The following SVIL variants were observed in gnomAD, a reference collection of about 807,000 sequenced individuals.
SVIL encodes the protein archvillin.
Under a neutral mutation model 240.4 loss-of-function variants are expected in SVIL, and 101 were observed. The observed-to-expected ratio is 0.42, with a 90% CI of 0.36 to 0.50. The LOEUF (loss-of-function observed/expected upper bound fraction) is 0.50. Among genes scored for constraint, SVIL ranks in the 20% least tolerant of loss-of-function variants. The pLI is 0.01. For synonymous variants in SVIL, 999 were observed against 1,100.0 expected (o/e 0.91, Z 1.82); for missense variants, 2,512 against 2,818.7 (o/e 0.89, Z 2.46).
At chr10:29,596,169 C>T (rs1737129854) in intron 1 of SVIL, among the ~76,000 whole-genome samples, 1 of 152,120 alleles carries the variant, frequency 6.6e-6, no homozygotes, top group Admixed American at 6.6e-5. Flanking sequence ...CATAATTTGT[C>T]CTTTAAAAAT....
rs374546164 is a variant in SVIL, at chr10:29,458,611, A to C, written c.6403-22T>G. On this transcript the variant is annotated intron_variant, in intron 36 of 37. Transcript: ENST00000355867. ...TGTCCTAGAGAAGAGGAGGGGGCAGAGAGGAGAGCTCGTGTCCTACATTTG... is the reference window on the plus strand; with the variant it reads ...TGTCCTAGAGAAGAGGAGGGGGCAGCGAGGAGAGCTCGTGTCCTACATTTG... 3.7e-6 allele frequency: 6 copies of C among 1,608,656 alleles called. No individual in the cohort carries two copies. The African/African-American group carries it at 8.0e-5, about 22-fold the overall frequency.
intron 1 of SVIL, among the ~76,000 whole-genome samples, chr10:29,593,688 C>G (rs1180075518): frequency 6.6e-6 from 1 of 152,030 alleles, no homozygotes; most frequent in Non-Finnish European, 1.5e-5. Flanking sequence ...ATATTTTGGA[C>G]AATGTGCCAA....
In SVIL at chr10:29,531,361, C is replaced by T. The variant is rs374344624; in HGVS notation, c.2010-73G>A. The stretch of plus-strand genomic sequence containing the variant: ...CAGAAGATCGAAATAAAACATCATA[C>T]TGAAAGTAAAAATAAAAATGCAATT... On this transcript the variant is annotated intron_variant, in intron 9 of 37. Transcript: ENST00000355867. 4.5e-4 allele frequency: 622 copies of T among 1,367,964 alleles called. 2 individuals are homozygous for T. The African/African-American group carries it at 8.3e-3, about 18-fold the overall frequency. The allele number at this position is 1,367,964 out of a possible 1,614,324, so 84.7% of individuals were successfully genotyped here.
intron 1 of SVIL, among the ~76,000 whole-genome samples, chr10:29,600,540 G>A (rs1040395774): frequency 6.6e-6 from 1 of 152,166 alleles, no homozygotes; most frequent in Non-Finnish European, 1.5e-5. Context: ...GTTGGCTAAG[G>A]TGCTGTCAGT....
intron 1 of SVIL, among the ~76,000 whole-genome samples, chr10:29,592,027 G>T (rs1419184265): frequency 6.6e-6 from 1 of 152,170 alleles, no homozygotes; most frequent in East Asian, 1.9e-4. Flanking sequence ...GAGGCAGATG[G>T]ATCACTTGAG....
At chr10:29,532,260 T>G (rs1951424440) in intron 8 of SVIL, 88 bp from the exon 9 acceptor site, 1 of 1,471,016 alleles carries the variant, frequency 6.8e-7, no homozygotes, top group Non-Finnish European at 9.1e-7. Context: ...TCTCCGTGAG[T>G]CAAGGGACAG....
chr10:29,458,426 C>T lies in SVIL; in HGVS notation c.6558+8G>A, dbSNP rs775103205. 31 of 1,589,336 alleles carry T rather than the reference C, an allele frequency of 2.0e-5. No individual in the cohort carries two copies. Among genetic ancestry groups the T allele is most frequent in the African/African-American group, 2.7e-5 (2 of 74,228 alleles). ...TCCCATCCCCACCCCACCGGAAGAA[C>T]CGCTTACCTCGAAGTCTTCGTCGGT... On this transcript the variant is annotated splice_region_variant and intron_variant, in intron 37 of 37. Transcript: ENST00000355867.
At chr10:29,491,203 C>T (rs1947920655) in intron 21 of SVIL, among the ~76,000 whole-genome samples, 184 bp from the exon 22 acceptor site, 1 of 152,214 alleles carries the variant, frequency 6.6e-6, no homozygotes, top group Non-Finnish European at 1.5e-5. Flanking sequence ...TGCAAGCCCA[C>T]TGAGTTCAAA....
rs758713170 is a variant in SVIL at position 29,526,992 on chromosome 10, T to C, written c.2311A>G (p.Thr771Ala). 8.7e-6 allele frequency: 14 copies of C among 1,610,876 alleles called. No individual in the cohort carries two copies. The African/African-American group carries it at 1.9e-4, about 22-fold the overall frequency. Residue 771 changes from threonine to alanine, a missense_variant, in exon 13 of 38, where the codon ACT becomes GCT. Coordinates refer to ENST00000355867, the MANE Select transcript of SVIL (RefSeq NM_021738.3). ...HPVMARLPSP[T>A]VARSAVQPAR... The stretch of plus-strand genomic sequence containing the variant: ...GGCTGCACAGCGCTCCTAGCTACAG[T>C]GGGGCTAGGAAGTCTCGCCATTACA...
chr10:29,498,113 A>AG, intron 18 of SVIL, among the ~76,000 whole-genome samples: 1 of 149,282 alleles, frequency 6.7e-6, no homozygotes, highest in Non-Finnish European at 1.5e-5. Context: ...AAAAAAAAAA[A>AG]AAAAGAAAAA....
intron 1 of SVIL, among the ~76,000 whole-genome samples, chr10:29,604,214 T>A (rs892246055): frequency 6.6e-6 from 1 of 151,446 alleles, no homozygotes; most frequent in African/African-American, 2.4e-5. Flanking sequence ...TTTTTTTTTT[T>A]TTTGAGACAG....
chr10:29,679,559 CT>C (rs369701914), intron 2 of SVIL, among the ~76,000 whole-genome samples: 83 of 140,750 alleles, frequency 5.9e-4, no homozygotes, highest in African/African-American at 7.3e-4. Flanking sequence ...TTTTCTTTTC[CT>C]TTTTTTTTTT....
intron 35 of SVIL, among the ~76,000 whole-genome samples, chr10:29,463,064 T>G (rs1944449615): frequency 6.6e-6 from 1 of 152,218 alleles, no homozygotes; most frequent in African/African-American, 2.4e-5. Flanking sequence ...AATAAAAAGG[T>G]TGGCAATGGC....
intron 1 of SVIL, among the ~76,000 whole-genome samples, chr10:29,622,021 C>T (rs1371497517): frequency 6.6e-6 from 1 of 151,590 alleles, no homozygotes; most frequent in Non-Finnish European, 1.5e-5. Flanking sequence ...GAGGCCGAGG[C>T]GGGCGGATCA....
chr10:29,643,076 CAG>C (rs2132985568), intron 3 of SVIL, among the ~76,000 whole-genome samples: 1 of 152,282 alleles, frequency 6.6e-6, no homozygotes, highest in African/African-American at 2.4e-5. Flanking sequence ...GCTGGAGAAA[CAG>C]TCACAAGTTG....
At chr10:29,531,111 A>T (rs1951330179) in intron 10 of SVIL, 143 bp downstream of exon 10, 1 of 748,484 alleles carries the variant, frequency 1.3e-6, no homozygotes, top group Non-Finnish European at 2.1e-6. Context: ...AGATTTTATC[A>T]TATCCACAGA....
At chr10:29,535,866 G>T in intron 7 of SVIL, 123 bp downstream of exon 7, 1 of 934,178 alleles carries the variant, frequency 1.1e-6, no homozygotes, top group Non-Finnish European at 1.7e-6. Flanking sequence ...TAACTTCCAC[G>T]TGATTTTCAA....
chr10:29,516,783 C>A lies in SVIL; in HGVS notation c.3390-3922G>T, dbSNP rs377456005. Among the ~76,000 whole-genome samples the A allele has an allele frequency of 3.1e-3, 472 of 152,298 alleles. 7 individuals are homozygous for A. In the South Asian group the frequency reaches 0.045, roughly 15 times the overall value. ...GTGCCTGCCAGGACACCCGGGGAAACGGTGCCTCCTCTTCCATAGCCCACA... is the reference window on the plus strand; with the variant it reads ...GTGCCTGCCAGGACACCCGGGGAAAAGGTGCCTCCTCTTCCATAGCCCACA... On this transcript the variant is annotated intron_variant, in intron 16 of 37. Coordinates refer to ENST00000355867, the MANE Select transcript of SVIL (RefSeq NM_021738.3).
intron 3 of SVIL, among the ~76,000 whole-genome samples, chr10:29,560,621 A>G (rs752310055): frequency 4.0e-5 from 6 of 151,462 alleles, no homozygotes; most frequent in Non-Finnish European, 8.8e-5. Context: ...CTTCTCACAC[A>G]TAAAACTTGA....
Sources: gnomAD v4.1 joint callset for allele counts (sites outside exome capture counted in the v4.1 genomes callset) on GRCh38, gnomAD v4.1.1 for gene constraint, MANE v1.5 for transcripts, NCBI Gene and HGNC (gene_info 2026-07-23, HGNC 2026-07-21) for gene names.